The following MAP3K7CL variants were observed in gnomAD, a reference collection of about 807,000 sequenced individuals.
MAP3K7CL encodes MAP3K7 C-terminal like.
Under a neutral mutation model 18.6 loss-of-function variants are expected in MAP3K7CL, and 16 were observed. The ratio of observed to expected loss-of-function variants is 0.86; its 90% confidence interval spans 0.58 to 1.31. MAP3K7CL has a LOEUF of 1.31. Among genes scored for constraint, MAP3K7CL ranks in the 50% most tolerant of loss-of-function variants. The probability of loss-of-function intolerance (pLI) is 0.00; values close to 1 mark genes in which losing one functional copy is unlikely to be tolerated. For missense variants in MAP3K7CL, 163 were observed against 174.4 expected (o/e 0.93, Z 0.37); for synonymous variants, 65 against 66.8 (o/e 0.97, Z 0.13).
At chr21:29,172,753 G>A (rs899048893) in intron 4 of MAP3K7CL, among the ~76,000 whole-genome samples, 11 of 151,966 alleles carry the variant, frequency 7.2e-5, no homozygotes, top group African/African-American at 2.4e-4. Flanking sequence ...AAACATGTTT[G>A]GAGACCTAAT....
At chr21:29,135,267 T>C (rs2086861124) in intron 2 of MAP3K7CL, among the ~76,000 whole-genome samples, 1 of 152,144 alleles carries the variant, frequency 6.6e-6, no homozygotes, top group South Asian at 2.1e-4. Flanking sequence ...TTTTTATACA[T>C]TTCATAAATG....
chr21:29,093,705 G>A (rs1275671693), intron 4 of MAP3K7CL, among the ~76,000 whole-genome samples: 2 of 151,646 alleles, frequency 1.3e-5, no homozygotes, highest in African/African-American at 2.4e-5. Context: ...GGCCAGGATG[G>A]TCTCAATCTC....
At chr21:29,091,616 C>T in intron 2 of MAP3K7CL, 1 of 700,640 alleles carries the variant, frequency 1.4e-6, no homozygotes, top group Non-Finnish European at 2.6e-6. Flanking sequence ...ACTGGGACCA[C>T]AGGCGTGCAC....
chr21:29,114,805 A>T (rs2086478249), intron 4 of MAP3K7CL, among the ~76,000 whole-genome samples: 2 of 152,136 alleles, frequency 1.3e-5, no homozygotes, highest in Non-Finnish European at 2.9e-5. Flanking sequence ...GATTAATGGG[A>T]ATGTCTACAT....
At chr21:29,155,756 C>G (rs1275333142) in intron 3 of MAP3K7CL, among the ~76,000 whole-genome samples, 1 of 152,062 alleles carries the variant, frequency 6.6e-6, no homozygotes, top group African/African-American at 2.4e-5. Context: ...CGGGAGGAGG[C>G]GGAGATGGAG....
chr21:29,099,728 C>A (rs1467940668), intron 4 of MAP3K7CL, among the ~76,000 whole-genome samples: 1 of 152,036 alleles, frequency 6.6e-6, no homozygotes, highest in Non-Finnish European at 1.5e-5. Context: ...GGTTAGAAAC[C>A]TCTTCTTCCT....
intron 4 of MAP3K7CL, among the ~76,000 whole-genome samples, chr21:29,124,353 C>CAAAAAAAAAAAAAAAAAA (rs59499297): frequency 1.3e-5 from 1 of 78,608 alleles, no homozygotes. Flanking sequence ...GACTCCGTCT[C>CAAAAAAAAAAAAAAAAAA]AAAAAAAAAA....
At chr21:29,107,246 C>T (rs979832323) in intron 4 of MAP3K7CL, among the ~76,000 whole-genome samples, 11 of 151,952 alleles carry the variant, frequency 7.2e-5, no homozygotes, top group Non-Finnish European at 5.9e-5. Flanking sequence ...ACACAGGAGG[C>T]GGAGGTTGCA....
intron 4 of MAP3K7CL, among the ~76,000 whole-genome samples, chr21:29,111,888 C>T (rs2086425416): frequency 6.6e-6 from 1 of 152,206 alleles, no homozygotes; most frequent in South Asian, 2.1e-4. Context: ...ATGACTTAAA[C>T]CCACTGATGT....
intron 4 of MAP3K7CL, among the ~76,000 whole-genome samples, chr21:29,165,928 A>G (rs544386689): frequency 2.0e-5 from 3 of 152,304 alleles, no homozygotes; most frequent in African/African-American, 4.8e-5. Context: ...TAATGTTTTC[A>G]TACATGGACA....
At chr21:29,138,639 A>G (rs1375116513) in intron 2 of MAP3K7CL, among the ~76,000 whole-genome samples, 1 of 152,220 alleles carries the variant, frequency 6.6e-6, no homozygotes, top group Non-Finnish European at 1.5e-5. Context: ...GAAAGAGTCA[A>G]GAATACTAGT....
chr21:29,138,664 G>C lies in MAP3K7CL; in HGVS notation c.70+5250G>C, dbSNP rs553002136. 4.6e-5 allele frequency among the ~76,000 whole-genome samples: 7 copies of C among 152,138 alleles called. No individual in the cohort carries two copies. In the South Asian group the frequency reaches 1.4e-3, roughly 31 times the overall value. On this transcript the variant is annotated intron_variant, in intron 2 of 4. Coordinates refer to ENST00000399928, the MANE Select transcript of MAP3K7CL (RefSeq NM_001286620.2). ...AGAATACTAGTATCAGCTCAAGCTG[G>C]TAGCTTTTAATATTTTGTTTTTAAA... is the stretch of plus-strand genomic sequence containing the variant.
In MAP3K7CL at chr21:29,094,341, G is replaced by C. The variant is rs543833637; in HGVS notation, c.370+1760G>C. On this transcript the variant is annotated intron_variant, in intron 4 of 6. Coordinates refer to the MAP3K7CL transcript ENST00000286791. ...GGTTCTCAAATGTTAGCATCTGTCA[G>C]AGTCACCCAGGGGAAGTATCGAAAC... 7.2e-5 allele frequency among the ~76,000 whole-genome samples: 11 copies of C among 152,352 alleles called. No homozygotes were observed. In the South Asian group the frequency reaches 1.0e-3, roughly 14 times the overall value.
intron 1 of MAP3K7CL, chr21:29,091,359 T>C (rs2086024526): frequency 1.9e-6 from 1 of 531,046 alleles, no homozygotes; most frequent in African/African-American, 2.0e-5. Flanking sequence ...AAAAATAGAA[T>C]GTTTTTAGCC....
chr21:29,131,559 A>G (rs749724104), intron 1 of MAP3K7CL: 2 of 152,134 alleles, frequency 1.3e-5, no homozygotes, highest in South Asian at 2.1e-4. Flanking sequence ...CAGATATTTT[A>G]TATTACTCTT....
At chr21:29,131,298 T>C (rs1349511782) in intron 1 of MAP3K7CL, 2 of 152,220 alleles carry the variant, frequency 1.3e-5, no homozygotes, top group Admixed American at 6.5e-5. Context: ...TGTTGGGGGA[T>C]TTAGCCAAAA....
intron 4 of MAP3K7CL, among the ~76,000 whole-genome samples, chr21:29,163,438 T>G (rs1216997214): frequency 6.6e-6 from 1 of 152,252 alleles, no homozygotes; most frequent in Non-Finnish European, 1.5e-5. Context: ...ACTTATTACT[T>G]GAGATCTTGG....
intron 4 of MAP3K7CL, 58 bp downstream of exon 4, chr21:29,160,114 G>A (rs2087510569): frequency 7.2e-7 from 1 of 1,381,312 alleles, no homozygotes; most frequent in Middle Eastern, 1.8e-4. Flanking sequence ...CAAGGACCAG[G>A]GGCAATGGGC....
intron 4 of MAP3K7CL, among the ~76,000 whole-genome samples, chr21:29,107,027 T>C (rs2086334541): frequency 6.6e-6 from 1 of 152,114 alleles, no homozygotes; most frequent in South Asian, 2.1e-4. Flanking sequence ...TGTATTAAAG[T>C]CTGACTTAGG....
Sources: allele counts gnomAD v4.1 joint callset (sites outside exome capture counted in the v4.1 genomes callset), GRCh38; gene constraint gnomAD v4.1.1; transcripts MANE v1.5; gene names NCBI Gene and HGNC (gene_info 2026-07-23, HGNC 2026-07-21).